Variants in SAFB2 observed in about 807,000 individuals in gnomAD.
SAFB2 encodes scaffold attachment factor B2.
In SAFB2, 32 loss-of-function variants were observed where a neutral mutation model predicts 100.6. The ratio of observed to expected loss-of-function variants is 0.32; its 90% confidence interval spans 0.24 to 0.43. The LOEUF (loss-of-function observed/expected upper bound fraction) is 0.43. Among genes scored for constraint, SAFB2 ranks in the 20% least tolerant of loss-of-function variants. SAFB2 has a pLI of 1.00. For synonymous variants in SAFB2, 500 were observed against 439.4 expected, an observed-to-expected ratio of 1.14 and a Z score of -1.72; for missense variants, 1,185 against 1,163.4, an observed-to-expected ratio of 1.02 and a Z score of -0.27.
At chr19:5,591,623 C>G in intron 17 of SAFB2, 125 bp downstream of exon 17, 1 of 828,982 alleles carries the variant, frequency 1.2e-6, no homozygotes, top group Non-Finnish European at 2.0e-6. Flanking sequence ...CACTTGCATA[C>G]CCGCCACACG....
intron 4 of SAFB2, among the ~76,000 whole-genome samples, 195 bp downstream of exon 4, chr19:5,615,937 T>C (rs1232795055): frequency 6.6e-6 from 1 of 152,210 alleles, no homozygotes; most frequent in African/African-American, 2.4e-5. Context: ...CACTCCCCAG[T>C]GCTACAGAAA....
At chr19:5,604,539 C>G (rs532792662) in intron 11 of SAFB2, 44 bp downstream of exon 11, 174 of 1,512,980 alleles carry the variant, frequency 1.2e-4, no homozygotes, top group Non-Finnish European at 1.5e-4. Context: ...TGCCCGTGCC[C>G]TCCTCCCAGG....
Position 5,592,963 on chromosome 19 carries a change from G to A in SAFB2, c.2208-76C>T, listed in dbSNP as rs2052446446. Reference sequence around the variant, plus strand: ...GAGGAAAAAAGGAGGAGGTGGAGGTGGGGAGGGGAGCTCTCTCCCCAGACC... The same window carrying A: ...GAGGAAAAAAGGAGGAGGTGGAGGTAGGGAGGGGAGCTCTCTCCCCAGACC... On this transcript the variant is annotated intron_variant, in intron 15 of 20. Transcript: ENST00000252542. The A allele has an allele frequency of 7.7e-6, 11 of 1,426,400 alleles. No homozygotes were observed. The South Asian group carries it at 1.3e-4, about 17-fold the overall frequency. The allele number at this position is 1,426,400 out of a possible 1,614,324, so 88.4% of individuals were successfully genotyped here.
At chr19:5,598,518 C>G (rs539111717) in intron 13 of SAFB2, 1 of 477,522 alleles carries the variant, frequency 2.1e-6, no homozygotes, top group African/African-American at 1.9e-5. Context: ...GCCCATCCCA[C>G]CCTATGGTGA....
chr19:5,587,266 G>T lies in SAFB2; in HGVS notation c.2839C>A (p.Pro947Thr), dbSNP rs762845536. 1.2e-5 allele frequency: 20 copies of T among 1,613,094 alleles called. No homozygotes were observed. Among genetic ancestry groups the T allele is most frequent in the Middle Eastern group, 1.7e-4 (1 of 5,884 alleles). ...ACTTAGTAGCGGCGGGTGAAGTGGG[G>T]GTACGGGGGGGGATGAGGGTGTGGG... ...PHPHPHPPPY[P>T]HFTRRY is the part of the protein sequence containing the mutation. Residue 947 changes from proline (P) to threonine (T), a missense_variant, in exon 21 of 21, where the codon CCC (proline) becomes ACC (threonine). Around this residue, in one of 3 missense-constraint regions of SAFB2, gnomAD observed 740 missense variants for 687.1 expected, o/e 1.08. Transcript: ENST00000252542. This position sits in a 1 kb window ranked among gnomAD's most constrained non-coding sequence, Gnocchi z 4.9.
intron 11 of SAFB2, among the ~76,000 whole-genome samples, chr19:5,604,143 G>A (rs1004243226): frequency 6.6e-6 from 1 of 152,200 alleles, no homozygotes; most frequent in African/African-American, 2.4e-5. Flanking sequence ...GGGCGTGGTG[G>A]CTCACACCTG....
At chr19:5,598,712 T>A in intron 13 of SAFB2, 81 bp downstream of exon 13, 1 of 1,293,454 alleles carries the variant, frequency 7.7e-7, no homozygotes, top group Non-Finnish European at 1.1e-6. Flanking sequence ...AAAACAGTGC[T>A]GTTTTCATAA....
In SAFB2 at chr19:5,587,339, C is replaced by T; in HGVS notation, c.2766G>A (p.Leu922=). 1 of 1,613,312 alleles carries T rather than the reference C, an allele frequency of 6.2e-7. No individual in the cohort carries two copies. Among genetic ancestry groups the T allele is most frequent in the Non-Finnish European group, 8.5e-7 (1 of 1,179,756 alleles). ...CCTGGCTGGCCACTCCGCCACCTTC[C>T]AGTCCGCCACCTGGCACCACGTGGC... ...SQGHVVPGGG[L]EGGGVASQDR... is the part of the protein sequence containing the mutation. Residue 922 remains leucine (L), a synonymous_variant, in exon 21 of 21, where the codon CTG becomes CTA. Coordinates refer to ENST00000252542, the MANE Select transcript of SAFB2 (RefSeq NM_014649.3). This position sits in a 1 kb window ranked among gnomAD's most constrained non-coding sequence, Gnocchi z 4.9.
intron 8 of SAFB2, chr19:5,610,339 G>A: frequency 1.7e-6 from 1 of 589,282 alleles, no homozygotes; most frequent in Non-Finnish European, 3.0e-6. Context: ...GTCTTTTGAT[G>A]ATCAGATCTC....
At chr19:5,601,767 A>G (rs2145334441) in intron 11 of SAFB2, among the ~76,000 whole-genome samples, 1 of 151,960 alleles carries the variant, frequency 6.6e-6, no homozygotes, top group Non-Finnish European at 1.5e-5. Context: ...AGATCCTGAG[A>G]CAGAACTTAG....
chr19:5,618,286 C>T (rs918283527), intron 2 of SAFB2, among the ~76,000 whole-genome samples: 5 of 152,234 alleles, frequency 3.3e-5, no homozygotes, highest in African/African-American at 7.2e-5. Context: ...GGCCTGAAGC[C>T]GGGAGGCGGA....
intron 18 of SAFB2, among the ~76,000 whole-genome samples, chr19:5,590,063 C>T (rs932069632): frequency 1.3e-5 from 2 of 152,158 alleles, no homozygotes; most frequent in African/African-American, 2.4e-5. Context: ...CCATTCTGGG[C>T]GACCTGGACA....
At position 5,595,401 on chromosome 19, in the gene SAFB2, T is replaced by G; in HGVS notation, c.1879A>C (p.Arg627=). The G allele has an allele frequency of 6.2e-7, 1 of 1,613,236 alleles. No homozygotes were observed. The highest frequency in any genetic ancestry group is 8.5e-7 in the Non-Finnish European group (1 of 1,179,918). The stretch of plus-strand genomic sequence containing the variant: ...TCGCGGATCTCCCGTTCCCGCTGCC[T>G]CTGGCGCTCTCTCTCCCTTTGTTCT... ...IKEQRERERQ[R]QREREIRETE... is the part of the protein sequence containing the mutation. Residue 627 remains arginine (R), a synonymous_variant, in exon 14 of 21, where the codon AGG becomes CGG. Transcript: ENST00000252542.
chr19:5,591,883 T>C (rs2052415123), intron 16 of SAFB2, 90 bp from the exon 17 acceptor site: 1 of 1,214,862 alleles, frequency 8.2e-7, no homozygotes, highest in African/African-American at 1.5e-5. Flanking sequence ...GGATACTTTT[T>C]CCATCCCATC....
intron 7 of SAFB2, 39 bp from the exon 8 acceptor site, chr19:5,610,727 A>C (rs181911587): frequency 7.4e-7 from 1 of 1,349,978 alleles, no homozygotes; most frequent in Non-Finnish European, 1.0e-6. Context: ...CAGGAAAAAA[A>C]CGAAAGAGAA....
At position 5,598,601 on chromosome 19, in the gene SAFB2, G is replaced by A. The variant is rs76109679; in HGVS notation, c.1782+192C>T. 1,419 of 593,876 alleles carry A rather than the reference G, an allele frequency of 2.4e-3. 15 individuals are homozygous for A. In the African/African-American group the frequency reaches 0.024, roughly 10 times the overall value. 36.8% of individuals were successfully genotyped at this position (593,876 alleles called of 1,614,324 possible). A position where few individuals can be genotyped will look rare whatever the true frequency, so the allele number is the denominator to read the frequency against. On this transcript the variant is annotated intron_variant, in intron 13 of 20. Coordinates refer to ENST00000252542, the MANE Select transcript of SAFB2 (RefSeq NM_014649.3). ...AGGAGCCAGTAAGGGAAGCAAACAC[G>A]GATGGGCACTGCTCTGCAGAAAGCA...
chr19:5,593,732 G>A (rs1042373911), intron 15 of SAFB2, 159 bp downstream of exon 15: 57 of 717,984 alleles, frequency 7.9e-5, no homozygotes, highest in Middle Eastern at 8.1e-4. Flanking sequence ...ACCTGCAGCA[G>A]CGCAGTGAGA....
At chr19:5,612,682 T>C (rs1482544182) in intron 5 of SAFB2, 115 bp from the exon 6 acceptor site, 6 of 796,290 alleles carry the variant, frequency 7.5e-6, no homozygotes, top group African/African-American at 6.9e-5. Context: ...TCCACAAAAC[T>C]TTCTTGTCTC....
intron 13 of SAFB2, among the ~76,000 whole-genome samples, chr19:5,596,503 C>T (rs1421447722): frequency 6.6e-6 from 1 of 152,136 alleles, no homozygotes; most frequent in African/African-American, 2.4e-5. Flanking sequence ...CACCACCATG[C>T]CTGACTAATT....
Sources: allele counts gnomAD v4.1 joint callset (sites outside exome capture counted in the v4.1 genomes callset), GRCh38; gene constraint gnomAD v4.1.1; regional missense constraint gnomAD v4.1.1; non-coding constraint Gnocchi (gnomAD v3.1); transcripts MANE v1.5; gene names NCBI Gene and HGNC (gene_info 2026-07-23, HGNC 2026-07-21).